Variants in VAV3 observed in about 807,000 individuals in gnomAD.
The protein encoded by VAV3 is guanine nucleotide exchange factor VAV3.
In VAV3, 94 loss-of-function variants were observed where a neutral mutation model predicts 131.2. The observed-to-expected ratio is 0.72, with a 90% confidence interval of 0.61 to 0.85. The LOEUF (loss-of-function observed/expected upper bound fraction) is 0.85, where lower values mean the gene tolerates loss of function less well. VAV3 is among the 40% of genes least tolerant of loss of function. VAV3 has a pLI of 0.00. For synonymous variants in VAV3, 349 were observed against 342.0 expected (o/e 1.02, Z -0.22); for missense variants, 939 against 1,002.7 (o/e 0.94, Z 0.86).
chr1:107,677,530 C>T (rs1344286818), intron 19 of VAV3, among the ~76,000 whole-genome samples: 1 of 152,130 alleles, frequency 6.6e-6, no homozygotes, highest in African/African-American at 2.4e-5. Flanking sequence ...GAAGTCCACT[C>T]CATATCTGAC....
At position 107,964,570 on chromosome 1, in the gene VAV3, A is replaced by T. The variant is rs551661680; in HGVS notation, c.204+96T>A. 83 of 1,364,452 alleles carry T rather than the reference A, an allele frequency of 6.1e-5. No individual in the cohort carries two copies. In the South Asian group the frequency reaches 1.1e-3, roughly 17 times the overall value. 84.5% of individuals were successfully genotyped at this position (1,364,452 alleles called of 1,614,324 possible). A position where few individuals can be genotyped will look rare whatever the true frequency, so the allele number is the denominator to read the frequency against. On this transcript the variant is annotated intron_variant, in intron 1 of 26. Transcript: ENST00000370056. The stretch of plus-strand genomic sequence containing the variant: ...GAAGGCTGGGAAGCAGGGCAAGCTC[A>T]GCGCACCTAGACGTTTGCATTTACA...
intron 2 of VAV3, among the ~76,000 whole-genome samples, chr1:107,845,977 C>A (rs933459374): frequency 6.6e-6 from 1 of 152,160 alleles, no homozygotes; most frequent in Non-Finnish European, 1.5e-5. Context: ...ACGAGAAGAG[C>A]AACCCCAAGA....
chr1:107,666,333 C>T (rs1657403126), intron 19 of VAV3, among the ~76,000 whole-genome samples: 1 of 152,154 alleles, frequency 6.6e-6, no homozygotes, highest in South Asian at 2.1e-4. Context: ...GAGTTAATGT[C>T]TTATTTCTCA....
At chr1:107,603,584 A>G (rs1404124308) in intron 22 of VAV3, among the ~76,000 whole-genome samples, 1 of 152,192 alleles carries the variant, frequency 6.6e-6, no homozygotes, top group Non-Finnish European at 1.5e-5. Context: ...GTATCTTTTT[A>G]AAGAAAATTC....
At position 107,856,122 on chromosome 1, in the gene VAV3, C is replaced by T. The variant is rs76812741; in HGVS notation, c.321+18779G>A. ...TGACACAGGTGGAGTGGGTGAGAAG[C>T]AAGATGAGAGAAAAGCCTATGGTCA... On this transcript the variant is annotated intron_variant, in intron 2 of 26. Coordinates refer to ENST00000370056, the MANE Select transcript of VAV3 (RefSeq NM_006113.5). 1.3e-3 allele frequency among the ~76,000 whole-genome samples: 205 copies of T among 152,140 alleles called. 4 individuals carry two copies. The East Asian group carries it at 0.03, about 23-fold the overall frequency.
intron 6 of VAV3, among the ~76,000 whole-genome samples, chr1:107,768,867 G>A (rs986626106): frequency 6.6e-6 from 1 of 152,132 alleles, no homozygotes; most frequent in Non-Finnish European, 1.5e-5. Context: ...AATGTTTTGT[G>A]GAGATTCTAG....
intron 15 of VAV3, among the ~76,000 whole-genome samples, chr1:107,732,161 T>C (rs1662284036): frequency 6.6e-6 from 1 of 152,232 alleles, no homozygotes; most frequent in Admixed American, 6.5e-5. Context: ...TGTAGTATAA[T>C]CTGTTTCATA....
At chr1:107,947,552 A>G (rs984830796) in intron 1 of VAV3, among the ~76,000 whole-genome samples, 13 of 152,154 alleles carry the variant, frequency 8.5e-5, no homozygotes, top group African/African-American at 3.1e-4. Flanking sequence ...CTTACTCTTC[A>G]CAATACTCTG....
At chr1:107,891,401 C>A (rs1229575926) in intron 1 of VAV3, among the ~76,000 whole-genome samples, 3 of 152,050 alleles carry the variant, frequency 2.0e-5, no homozygotes, top group Admixed American at 2.0e-4. Context: ...CTGATCATGG[C>A]CTACTACAAG....
intron 2 of VAV3, among the ~76,000 whole-genome samples, chr1:107,817,297 T>C (rs1020131017): frequency 1.1e-4 from 17 of 151,986 alleles, no homozygotes; most frequent in Non-Finnish European, 1.5e-4. Flanking sequence ...GAGGAGGATT[T>C]CCATTATCAG....
At chr1:107,634,166 C>A (rs1258479454) in intron 20 of VAV3, among the ~76,000 whole-genome samples, 3 of 152,116 alleles carry the variant, frequency 2.0e-5, no homozygotes, top group Admixed American at 1.3e-4. Flanking sequence ...ATTGCCAAGT[C>A]AATCCTAAGC....
intron 2 of VAV3, among the ~76,000 whole-genome samples, chr1:107,826,167 C>A (rs903944952): frequency 1.3e-5 from 2 of 152,146 alleles, no homozygotes; most frequent in African/African-American, 2.4e-5. Flanking sequence ...TTACCAAATA[C>A]TGCCTTGCAA....
chr1:107,786,642 T>C (rs1440363101), intron 2 of VAV3, among the ~76,000 whole-genome samples: 2 of 152,222 alleles, frequency 1.3e-5, no homozygotes, highest in East Asian at 1.9e-4. Flanking sequence ...TAAAGTCAGA[T>C]TTGGTCTTTG....
At chr1:107,712,874 G>A (rs574216883) in intron 15 of VAV3, among the ~76,000 whole-genome samples, 2 of 152,290 alleles carry the variant, frequency 1.3e-5, no homozygotes, top group African/African-American at 2.4e-5. Context: ...AACTTGAAAC[G>A]TAAATTATGA....
chr1:107,748,695 A>C (rs1440409294), intron 15 of VAV3, among the ~76,000 whole-genome samples: 1 of 152,204 alleles, frequency 6.6e-6, no homozygotes, highest in African/African-American at 2.4e-5. Flanking sequence ...CTGAGAGCTA[A>C]AGAACTAAAA....
intron 2 of VAV3, among the ~76,000 whole-genome samples, chr1:107,848,200 C>A (rs1327677544): frequency 1.3e-5 from 2 of 151,496 alleles, no homozygotes; most frequent in African/African-American, 2.4e-5. Flanking sequence ...GTAGTCCCAG[C>A]TAATTGGGAG....
intron 1 of VAV3, among the ~76,000 whole-genome samples, chr1:107,899,469 G>A (rs1006742816): frequency 1.2e-4 from 18 of 152,228 alleles, no homozygotes; most frequent in African/African-American, 4.1e-4. Flanking sequence ...AATTTGATAC[G>A]TGCTATAATG....
chr1:107,686,034 T>TGGGG (rs554715740), intron 18 of VAV3: 32 of 85,056 alleles, frequency 3.8e-4, no homozygotes, highest in Admixed American at 8.6e-4. Context: ...GTTGGGGGGG[T>TGGGG]GGGGGGGGAG....
At chr1:107,943,211 T>G (rs1674083453) in intron 1 of VAV3, among the ~76,000 whole-genome samples, 1 of 152,160 alleles carries the variant, frequency 6.6e-6, no homozygotes, top group African/African-American at 2.4e-5. Flanking sequence ...TGTAATAAAT[T>G]TACATATTTA....
Sources: allele counts gnomAD v4.1 joint callset (sites outside exome capture counted in the v4.1 genomes callset), GRCh38; gene constraint gnomAD v4.1.1; transcripts MANE v1.5; gene names NCBI Gene and HGNC (gene_info 2026-07-23, HGNC 2026-07-21).